Variants in RAPGEF6 observed in about 807,000 individuals in gnomAD.
RAPGEF6 encodes the protein Rap guanine nucleotide exchange factor 6, also known as PDZ domain containing guanine nucleotide exchange factor (GEF) 2.
In RAPGEF6, 56 loss-of-function variants were observed where a neutral mutation model predicts 171.4. That is an observed-to-expected ratio of 0.33 (90% confidence interval 0.26 to 0.41). RAPGEF6 has a LOEUF of 0.41. RAPGEF6 is among the 10% of genes least tolerant of loss of function. The pLI, the probability that RAPGEF6 is intolerant of heterozygous loss-of-function variation, is 1.00. For synonymous variants in RAPGEF6, 692 were observed against 650.1 expected (o/e 1.06, Z -0.98); for missense variants, 1,674 against 1,921.4 (o/e 0.87, Z 2.41).
chr5:131,606,164 A>G (rs1390378629), intron 1 of RAPGEF6, among the ~76,000 whole-genome samples: 1 of 151,878 alleles, frequency 6.6e-6, no homozygotes. Context: ...GGAGTTAGAG[A>G]CCAGCCTGGG....
At chr5:131,462,994 C>T (rs1320771602) in intron 18 of RAPGEF6, among the ~76,000 whole-genome samples, 1 of 152,106 alleles carries the variant, frequency 6.6e-6, no homozygotes, top group East Asian at 1.9e-4. Flanking sequence ...TACTTAGTAA[C>T]TCATTTAATC....
chr5:131,460,006 G>C (rs188503046), intron 19 of RAPGEF6, among the ~76,000 whole-genome samples: 8 of 152,090 alleles, frequency 5.3e-5, no homozygotes, highest in Non-Finnish European at 1.0e-4. Context: ...CATCTCTGCT[G>C]AAAAGAGTAT....
At chr5:131,531,976 G>A in intron 6 of RAPGEF6, 1 of 285,850 alleles carries the variant, frequency 3.5e-6, no homozygotes, top group Non-Finnish European at 7.0e-6. Context: ...ATGGCAATGA[G>A]AAAGACTACT....
At chr5:131,448,502 C>T (rs1752862641) in intron 21 of RAPGEF6, among the ~76,000 whole-genome samples, 1 of 152,074 alleles carries the variant, frequency 6.6e-6, no homozygotes, top group Non-Finnish European at 1.5e-5. Context: ...TTGACGTTGT[C>T]TTGAATTCAA....
chr5:131,436,620 TAAAAAC>T (rs756024732), intron 24 of RAPGEF6, among the ~76,000 whole-genome samples: 1 of 94,884 alleles, frequency 1.1e-5, no homozygotes, highest in African/African-American at 6.4e-5. Flanking sequence ...GTGATAAAAA[TAAAAAC>T]AAAAACAAAA....
intron 24 of RAPGEF6, 76 bp from the exon 25 acceptor site, chr5:131,433,734 A>G: frequency 9.1e-7 from 1 of 1,093,670 alleles, no homozygotes; most frequent in Non-Finnish European, 1.3e-6. Context: ...AAAGGATGAA[A>G]AAAAAAAACC....
rs566973949 is a variant in RAPGEF6, at chr5:131,621,214, T to C, written c.69+13748A>G. Among the ~76,000 whole-genome samples, 36 of 152,344 alleles carry C rather than the reference T, an allele frequency of 2.4e-4. No homozygotes were observed. The East Asian group carries it at 3.9e-3, about 16-fold the overall frequency. On this transcript the variant is annotated intron_variant, in intron 1 of 27. Transcript: ENST00000509018. ...GAGCCTTTGTGGATATCAAAACCCATAGACACTTGAGTCCCTTATATAAAA... is the reference window on the plus strand; with the variant it reads ...GAGCCTTTGTGGATATCAAAACCCACAGACACTTGAGTCCCTTATATAAAA...
chr5:131,489,699 G>T (rs750457731), intron 14 of RAPGEF6, 45 bp from the exon 15 acceptor site: 2 of 1,050,950 alleles, frequency 1.9e-6, no homozygotes, highest in Middle Eastern at 2.6e-4. Flanking sequence ...AACAGTATTA[G>T]TTACTCCTAC....
chr5:131,540,058 G>C (rs1374726649), intron 6 of RAPGEF6, among the ~76,000 whole-genome samples: 1 of 152,192 alleles, frequency 6.6e-6, no homozygotes, highest in African/African-American at 2.4e-5. Flanking sequence ...CTTTTAGGAA[G>C]AGCTGGCTGG....
chr5:131,585,781 G>A (rs780787656), intron 4 of RAPGEF6, among the ~76,000 whole-genome samples: 5 of 152,104 alleles, frequency 3.3e-5, no homozygotes, highest in South Asian at 2.1e-4. Flanking sequence ...AGCCAAGATC[G>A]CGCCATTGCA....
chr5:131,538,741 T>C (rs1759939668), intron 6 of RAPGEF6, among the ~76,000 whole-genome samples: 1 of 152,198 alleles, frequency 6.6e-6, no homozygotes, highest in African/African-American at 2.4e-5. Flanking sequence ...TCCTTCTTCA[T>C]ACTCTTCTAT....
intron 1 of RAPGEF6, among the ~76,000 whole-genome samples, chr5:131,627,322 A>G (rs1408306874): frequency 7.2e-5 from 11 of 152,214 alleles, no homozygotes; most frequent in Admixed American, 7.2e-4. Flanking sequence ...ATTAGCCTAT[A>G]ACAACTAACT....
intron 4 of RAPGEF6, among the ~76,000 whole-genome samples, chr5:131,563,226 A>G (rs1761716838): frequency 6.6e-6 from 1 of 152,112 alleles, no homozygotes; most frequent in Non-Finnish European, 1.5e-5. Context: ...ATATTACTCC[A>G]AAATAACCAA....
At chr5:131,627,873 T>C (rs1338123116) in intron 1 of RAPGEF6, among the ~76,000 whole-genome samples, 2 of 152,220 alleles carry the variant, frequency 1.3e-5, no homozygotes, top group Admixed American at 1.3e-4. Flanking sequence ...TTCATTATAT[T>C]TGCTATGGTG....
At chr5:131,566,137 ACT>A (rs1390555838) in intron 4 of RAPGEF6, among the ~76,000 whole-genome samples, 1 of 151,056 alleles carries the variant, frequency 6.6e-6, no homozygotes, top group African/African-American at 2.4e-5. Context: ...ACAGAATGAG[ACT>A]CTGTCTCAAT....
At chr5:131,433,298 T>G (rs1751821596) in intron 25 of RAPGEF6, 132 bp downstream of exon 25, 1 of 696,082 alleles carries the variant, frequency 1.4e-6, no homozygotes, top group African/African-American at 1.8e-5. Flanking sequence ...GAATATGTGC[T>G]TGGCCCACAT....
At chr5:131,445,521 T>TGTGTGTGTGTGTG (rs1752632265) in intron 22 of RAPGEF6, among the ~76,000 whole-genome samples, 9 of 79,446 alleles carry the variant, frequency 1.1e-4, no homozygotes, top group African/African-American at 7.4e-4. Context: ...GTGTGTGTAT[T>TGTGTGTGTGTGTG]TATTTTTTAG....
chr5:131,455,670 A>G, intron 20 of RAPGEF6, 131 bp downstream of exon 20: 2 of 711,778 alleles, frequency 2.8e-6, no homozygotes, highest in Non-Finnish European at 2.3e-6. Flanking sequence ...CTAATTCAAC[A>G]CTAGAAAAAT....
chr5:131,529,529 G>GA (rs1164078100), intron 6 of RAPGEF6, among the ~76,000 whole-genome samples: 2 of 151,500 alleles, frequency 1.3e-5, no homozygotes, highest in East Asian at 3.9e-4. Context: ...TTCAGCTTGC[G>GA]AGAGTACTAC....
Sources: gnomAD v4.1 joint callset for allele counts (sites outside exome capture counted in the v4.1 genomes callset) on GRCh38, gnomAD v4.1.1 for gene constraint, MANE v1.5 for transcripts, NCBI Gene and HGNC (gene_info 2026-07-23, HGNC 2026-07-21) for gene names.